The following CALM2 variants were observed in gnomAD, a reference collection of about 807,000 sequenced individuals.
CALM2 encodes calmodulin 2, also known as calmodulin-2.
CALM2 carries 2 observed loss-of-function variants against 19.8 expected under a neutral mutation model. That is an observed-to-expected ratio of 0.10 (90% CI 0.04 to 0.32). The LOEUF is 0.32. Ranked by LOEUF, CALM2 falls within the 10% of genes least tolerant of loss-of-function variation. The probability of loss-of-function intolerance (pLI) is 1.00; values close to 1 mark genes in which losing one functional copy is unlikely to be tolerated. For synonymous variants in CALM2, 51 were observed against 52.1 expected (o/e 0.98, Z 0.09); for missense variants, 38 against 178.7 (o/e 0.21, Z 4.49).
upstream of CALM2, chr2:47,176,876 C>A: frequency 1.0e-6 from 1 of 985,406 alleles, no homozygotes; most frequent in Non-Finnish European, 1.2e-6. Context: ...GACTCGCAGC[C>A]GCCGCCGGGA....
chr2:47,170,690 A>T (rs574114407), intron 2 of CALM2, 44 bp downstream of exon 2: 2 of 1,511,634 alleles, frequency 1.3e-6, no homozygotes, highest in Middle Eastern at 1.7e-4. Flanking sequence ...TATTCAATTT[A>T]TAATAAGAAT....
chr2:47,164,565 C>A (rs1666394744), intron 2 of CALM2, among the ~76,000 whole-genome samples: 1 of 151,530 alleles, frequency 6.6e-6, no homozygotes, highest in Admixed American at 6.6e-5. Flanking sequence ...CCACTGCACT[C>A]CAGCTTGGGC....
intron 2 of CALM2, among the ~76,000 whole-genome samples, chr2:47,170,412 T>TTAGTATAAA (rs1558699420): frequency 1.6e-3 from 250 of 152,334 alleles, no homozygotes; most frequent in African/African-American, 5.9e-3. Flanking sequence ...GCGTGTTAGC[T>TTAGTATAAA]AGCCCAGAAT....
chr2:47,168,502 G>A (rs1666560801), intron 2 of CALM2, among the ~76,000 whole-genome samples: 1 of 152,092 alleles, frequency 6.6e-6, no homozygotes, highest in African/African-American at 2.4e-5. Context: ...ACTTTAGGAG[G>A]CTGAGGCGGG....
At chr2:47,175,578 A>AT (rs1013514533) in intron 1 of CALM2, among the ~76,000 whole-genome samples, 13 of 151,998 alleles carry the variant, frequency 8.6e-5, no homozygotes, top group African/African-American at 2.4e-4. Flanking sequence ...TTAAAAAGCA[A>AT]TTTTTTTTAA....
At chr2:47,168,368 T>C (rs963762679) in intron 2 of CALM2, among the ~76,000 whole-genome samples, 1 of 152,106 alleles carries the variant, frequency 6.6e-6, no homozygotes, top group African/African-American at 2.4e-5. Context: ...CAAGAAAAGA[T>C]AGGATTTAAC....
At chr2:47,170,792 G>T (rs762016901) in intron 1 of CALM2, 28 bp from the exon 2 acceptor site, 1 of 1,603,346 alleles carries the variant, frequency 6.2e-7, no homozygotes, top group South Asian at 1.1e-5. Flanking sequence ...AGGAAGGTTA[G>T]TGACTTGAGA....
intron 3 of CALM2, 48 bp from the exon 4 acceptor site, chr2:47,162,440 G>C: frequency 6.2e-7 from 1 of 1,606,160 alleles, no homozygotes; most frequent in Non-Finnish European, 8.5e-7. Context: ...AAACATATAA[G>C]CAAACAGCAA....
intron 1 of CALM2, 47 bp from the exon 2 acceptor site, chr2:47,170,811 A>C (rs1469574489): frequency 6.6e-7 from 1 of 1,509,312 alleles, no homozygotes; most frequent in Non-Finnish European, 9.2e-7. Flanking sequence ...GAGTATGTAG[A>C]TTAGCAGTTA....
intron 1 of CALM2, chr2:47,174,126 ACTCAAAGTC>A (rs1666767670): frequency 6.6e-6 from 1 of 152,212 alleles, no homozygotes; most frequent in Non-Finnish European, 1.5e-5. Flanking sequence ...ATCACCCTGC[ACTCAAAGTC>A]CTCTTGAAGC....
intron 2 of CALM2, among the ~76,000 whole-genome samples, chr2:47,169,501 C>G (rs984989607): frequency 2.0e-5 from 3 of 151,940 alleles, no homozygotes; most frequent in Non-Finnish European, 4.4e-5. Context: ...ACCTTTAAAA[C>G]AGTGTAACTC....
chr2:47,176,516 C>A (rs751626286), upstream of CALM2: 3 of 1,598,540 alleles, frequency 1.9e-6, no homozygotes, highest in Non-Finnish European at 2.6e-6. Context: ...CGGACTAATT[C>A]GCCTCCTCCG....
upstream of CALM2, chr2:47,176,530 C>G (rs765068400): frequency 6.9e-6 from 11 of 1,586,230 alleles, no homozygotes; most frequent in African/African-American, 4.1e-5. Context: ...TCCTCCGCCC[C>G]CAGCGCCTCA....
At position 47,165,689 on chromosome 2, in the gene CALM2, G is replaced by A. The variant is rs60859129; in HGVS notation, c.35-3027C>T. ...CACTTCATCTATACCCACTTACAACGAAGATATCTTTAGTCTACCCATCTC... is the reference window on the plus strand; with the variant it reads ...CACTTCATCTATACCCACTTACAACAAAGATATCTTTAGTCTACCCATCTC... On this transcript the variant is annotated intron_variant, in intron 2 of 5. Coordinates refer to ENST00000272298, the MANE Select transcript of CALM2 (RefSeq NM_001743.6). Among the ~76,000 whole-genome samples the A allele has an allele frequency of 1.7e-3, 257 of 152,018 alleles. 1 individual carries two copies. Among genetic ancestry groups the A allele is most frequent in the African/African-American group, 6.0e-3 (249 of 41,442 alleles).
intron 2 of CALM2, chr2:47,167,507 A>T: frequency 5.5e-6 from 1 of 181,602 alleles, no homozygotes; most frequent in Non-Finnish European, 1.2e-5. Context: ...CAGCCTGGCC[A>T]ACATGGTGAA....
At chr2:47,175,648 G>T (rs970329718) in intron 1 of CALM2, among the ~76,000 whole-genome samples, 5 of 151,960 alleles carry the variant, frequency 3.3e-5, no homozygotes, top group Admixed American at 6.6e-5. Context: ...GAAGATTAGG[G>T]TTGCCAGAGG....
intron 2 of CALM2, among the ~76,000 whole-genome samples, chr2:47,166,800 A>G (rs1232464181): frequency 6.6e-6 from 1 of 152,182 alleles, no homozygotes; most frequent in Non-Finnish European, 1.5e-5. Context: ...AAGAGTCAAA[A>G]CCTAAACACA....
chr2:47,172,484 A>G (rs1409729408), intron 1 of CALM2: 1 of 1,203,754 alleles, frequency 8.3e-7, no homozygotes. Context: ...GATAACCATT[A>G]TTTCATATAA....
upstream of CALM2, chr2:47,176,927 C>G (rs17036330): frequency 1.0e-3 from 1,024 of 985,452 alleles, 43 homozygotes; most frequent in East Asian, 0.097. Context: ...GCCGCGCTGT[C>G]CTGGCAACTG....
Sources: allele counts gnomAD v4.1 joint callset (sites outside exome capture counted in the v4.1 genomes callset), GRCh38; gene constraint gnomAD v4.1.1; transcripts MANE v1.5; gene names NCBI Gene and HGNC (gene_info 2026-07-23, HGNC 2026-07-21).